Variants in ZW10 observed in about 807,000 individuals in gnomAD.
ZW10 encodes the protein zw10 kinetochore protein.
ZW10 carries 53 observed loss-of-function variants against 87.8 expected under a neutral mutation model. The ratio of observed to expected loss-of-function variants is 0.60; its 90% confidence interval spans 0.48 to 0.76. The LOEUF is 0.76. Ranked by LOEUF, ZW10 falls within the 30% of genes least tolerant of loss-of-function variation. ZW10 has a pLI of 0.00. For synonymous variants in ZW10, 312 were observed against 329.2 expected (o/e 0.95, Z 0.57); for missense variants, 837 against 923.0 (o/e 0.91, Z 1.21).
rs776831498 is a variant in ZW10 at position 113,757,659 on chromosome 11, T to C, written c.925+3A>G. 2.0e-6 allele frequency: 3 copies of C among 1,521,448 alleles called. No homozygotes were observed. The highest frequency in any genetic ancestry group is 2.7e-6 in the Non-Finnish European group (3 of 1,127,610). The allele number at this position is 1,521,448 out of a possible 1,614,324, so 94.2% of individuals were successfully genotyped here. A position where few individuals can be genotyped will look rare whatever the true frequency, so the allele number is the denominator to read the frequency against. On this transcript the variant is annotated splice_donor_region_variant and intron_variant, in intron 7 of 15. Transcript: ENST00000200135. The stretch of plus-strand genomic sequence containing the variant: ...ATAAAAGCACTGCCTTGGAGACACA[T>C]ACCTAGAAGCTGTTTCTGGAGCACT...
rs1371509871 is a variant in ZW10, at chr11:113,746,902, G to A, written c.1272+629C>T. Among the ~76,000 whole-genome samples, 3 of 152,060 alleles carry A rather than the reference G, an allele frequency of 2.0e-5. No individual in the cohort carries two copies. The East Asian group carries it at 5.8e-4, about 29-fold the overall frequency. On this transcript the variant is annotated intron_variant, in intron 9 of 15. Coordinates refer to ENST00000200135, the MANE Select transcript of ZW10 (RefSeq NM_004724.4). ...CTTGCAGTCCACTGTAAGGCTACTG[G>A]GTCTTCTCTAAATAAGATGGGAAGA...
chr11:113,746,495 C>CAAA (rs566009326), intron 9 of ZW10, among the ~76,000 whole-genome samples: 33 of 105,272 alleles, frequency 3.1e-4, no homozygotes, highest in African/African-American at 6.6e-4. Flanking sequence ...ACAAAACAGT[C>CAAA]AAAAAAAAAA....
At position 113,758,690 on chromosome 11, in the gene ZW10, T is replaced by A. The variant is rs757399270; in HGVS notation, c.597A>T (p.Glu199Asp). The A allele has an allele frequency of 1.2e-6, 2 of 1,613,892 alleles. No individual in the cohort carries two copies. The highest frequency in any genetic ancestry group is 1.7e-6 in the Non-Finnish European group (2 of 1,179,986). ...AATGAAGTTCAGTTTGTAGGTAAGA[T>A]TCCAAACTGCTGGTATCTAAGAAAA... is the stretch of plus-strand genomic sequence containing the variant. The part of the protein sequence containing the change: ...FPPSKDTSSL[E>D]SYLQTELHLY... The change falls in exon 6 of 16, where the codon GAA (glutamate) becomes GAT (aspartate). Residue 199 changes from glutamate to aspartate, a missense_variant. Transcript: ENST00000200135.
Position 113,768,946 on chromosome 11 carries a change from T to C in ZW10, c.127A>G (p.Ser43Gly). ...EIKGEVCNMI[S>G]KKYSEFLPSM... ...GGCAGGAATTCACTGTACTTCTTGC[T>C]AATCATATTGCACACCTCACCCTAA... The change falls in exon 2 of 16, where the codon AGC (serine) becomes GGC (glycine). Residue 43 changes from serine to glycine, a missense_variant. Coordinates refer to ENST00000200135, the MANE Select transcript of ZW10 (RefSeq NM_004724.4). The C allele has an allele frequency of 6.2e-7, 1 of 1,614,154 alleles. No individual in the cohort carries two copies. Among genetic ancestry groups the C allele is most frequent in the Non-Finnish European group, 8.5e-7 (1 of 1,179,988 alleles).
Position 113,737,617 on chromosome 11 carries a change from G to A in ZW10, c.1971C>T (p.Leu657=). The part of the protein sequence containing the change: ...NIYCKAMGTL[L]NTAISEVIGK... ...CAATGACCTCAGAAATTGCTGTATT[G>A]AGTAAAGTCCCCATAGCCTTGCAAT... Residue 657 remains leucine, a synonymous_variant, in exon 14 of 16, where the codon CTC becomes CTT. Transcript: ENST00000200135. 1 of 1,613,348 alleles carries A rather than the reference G, an allele frequency of 6.2e-7. No homozygotes were observed. Among genetic ancestry groups the A allele is most frequent in the Non-Finnish European group, 8.5e-7 (1 of 1,179,490 alleles).
chr11:113,760,383 G>C lies in ZW10; in HGVS notation c.421-15C>G. ...CATTTCTGTGCCTGGTAACGAAATGGAATCACTGTTAAACATTCCATCTGG... is the reference window on the plus strand; with the variant it reads ...CATTTCTGTGCCTGGTAACGAAATGCAATCACTGTTAAACATTCCATCTGG... On this transcript the variant is annotated splice_polypyrimidine_tract_variant and intron_variant, in intron 4 of 15. Coordinates refer to ENST00000200135, the MANE Select transcript of ZW10 (RefSeq NM_004724.4). 1.9e-6 allele frequency: 3 copies of C among 1,613,080 alleles called. No individual in the cohort carries two copies. Among genetic ancestry groups the C allele is most frequent in the Non-Finnish European group, 2.5e-6 (3 of 1,179,598 alleles).
chr11:113,763,532 T>C (rs1953883581), intron 2 of ZW10, among the ~76,000 whole-genome samples: 1 of 152,228 alleles, frequency 6.6e-6, no homozygotes, highest in Admixed American at 6.5e-5. Flanking sequence ...GCATCTATTG[T>C]TTCCTGACTT....
At chr11:113,748,945 A>C (rs1389390479) in intron 7 of ZW10, among the ~76,000 whole-genome samples, 2 of 152,208 alleles carry the variant, frequency 1.3e-5, no homozygotes, top group Non-Finnish European at 2.9e-5. Flanking sequence ...ATATCTTACT[A>C]ATCAATTAAA....
chr11:113,737,738 G>T (rs1309966533), intron 13 of ZW10, 35 bp from the exon 14 acceptor site: 3 of 1,557,968 alleles, frequency 1.9e-6, no homozygotes, highest in African/African-American at 1.4e-5. Flanking sequence ...GTGGAAGAAA[G>T]ATTACTGTGA....
chr11:113,757,197 G>A (rs1953797789), intron 7 of ZW10, among the ~76,000 whole-genome samples: 1 of 151,724 alleles, frequency 6.6e-6, no homozygotes, highest in Non-Finnish European at 1.5e-5. Context: ...TACAGAAACT[G>A]GCTGTGTCTA....
chr11:113,768,962 C>T lies in ZW10; in HGVS notation c.111G>A (p.Glu37=), dbSNP rs776210049. Residue 37 remains glutamate (E), a synonymous_variant, in exon 2 of 16, where the codon GAG becomes GAA. Coordinates refer to ENST00000200135, the MANE Select transcript of ZW10 (RefSeq NM_004724.4). ...ACTTCTTGCTAATCATATTGCACACCTCACCCTAAAATATAAAACAGAATT... is the reference window on the plus strand; with the variant it reads ...ACTTCTTGCTAATCATATTGCACACTTCACCCTAAAATATAAAACAGAATT... ...LTRRVEEIKG[E]VCNMISKKYS... 2 of 1,613,818 alleles carry T rather than the reference C, an allele frequency of 1.2e-6. No homozygotes were observed. Among genetic ancestry groups the T allele is most frequent in the South Asian group, 1.1e-5 (1 of 91,054 alleles).
chr11:113,743,220 TCTAC>T (rs1167287562), intron 10 of ZW10, among the ~76,000 whole-genome samples: 2 of 152,236 alleles, frequency 1.3e-5, no homozygotes, highest in African/African-American at 4.8e-5. Flanking sequence ...TTCTTTTCCT[TCTAC>T]CTTTGGCTGC....
chr11:113,757,792 C>A lies in ZW10; in HGVS notation c.795G>T (p.Val265=). ...PLASCPSLHA[V]IESQPNIVII... Reference sequence around the variant, plus strand: ...TAACTATGTTAGGCTGGCTTTCTATCACAGCATGAAGGGATGGGCAAGATG... The same window carrying A: ...TAACTATGTTAGGCTGGCTTTCTATAACAGCATGAAGGGATGGGCAAGATG... Residue 265 remains valine, a synonymous_variant, in exon 7 of 16, where the codon GTG becomes GTT. Coordinates refer to ENST00000200135, the MANE Select transcript of ZW10 (RefSeq NM_004724.4). The A allele has an allele frequency of 6.2e-7, 1 of 1,613,688 alleles. No individual in the cohort carries two copies.
chr11:113,737,535 G>C (rs902533301), intron 14 of ZW10, 37 bp downstream of exon 14: 3 of 1,488,132 alleles, frequency 2.0e-6, no homozygotes, highest in Non-Finnish European at 2.7e-6. Flanking sequence ...GACATGAATT[G>C]CATCTCAAGG....
chr11:113,754,314 G>A (rs943098164), intron 7 of ZW10, among the ~76,000 whole-genome samples: 7 of 151,940 alleles, frequency 4.6e-5, no homozygotes, highest in Non-Finnish European at 5.9e-5. Context: ...GTGAAACCCC[G>A]TCTCTACTAA....
At chr11:113,760,684 C>T in intron 3 of ZW10, 94 bp from the exon 4 acceptor site, 1 of 1,158,588 alleles carries the variant, frequency 8.6e-7, no homozygotes, top group Non-Finnish European at 1.2e-6. Context: ...CCTCCCCCTC[C>T]CCCCTCTAAA....
At position 113,758,578 on chromosome 11, in the gene ZW10, G is replaced by C. The variant is rs772790654; in HGVS notation, c.709C>G (p.Leu237Val). The C allele has an allele frequency of 1.1e-5, 18 of 1,614,052 alleles. No homozygotes were observed. The African/African-American group carries it at 2.1e-4, about 19-fold the overall frequency. Reference protein sequence around the residue: ...VLLAFSVLGELHSKLKSFGQM... With the variant: ...VLLAFSVLGEVHSKLKSFGQM... ...CCAAATGATTTAAGCTTGCTGTGTA[G>C]TTCTCCAAGAACAGAAAATGCCAAG... Residue 237 changes from leucine (L) to valine (V), a missense_variant, in exon 6 of 16, where the codon CTA (leucine) becomes GTA (valine). Transcript: ENST00000200135.
intron 5 of ZW10, among the ~76,000 whole-genome samples, chr11:113,759,545 T>C (rs1427592758): frequency 6.6e-6 from 1 of 152,170 alleles, no homozygotes; most frequent in Non-Finnish European, 1.5e-5. Flanking sequence ...TACAATAGCA[T>C]GTCCTTTAAA....
chr11:113,733,933 TG>T lies in ZW10; in HGVS notation c.2220-120del. The T allele has an allele frequency of 8.0e-6, 10 of 1,243,760 alleles. No individual in the cohort carries two copies. In the South Asian group the frequency reaches 1.5e-4, roughly 19 times the overall value. 77.0% of individuals were successfully genotyped at this position (1,243,760 alleles called of 1,614,324 possible). ...CTTGAAATGGAAATAAAACAAATCC[TG>T]GGCATCTTTCCTCTTCTTTATAGAA... On this transcript the variant is annotated intron_variant, in intron 15 of 15. Coordinates refer to ENST00000200135, the MANE Select transcript of ZW10 (RefSeq NM_004724.4).
Sources: gnomAD v4.1 joint callset for allele counts (sites outside exome capture counted in the v4.1 genomes callset) on GRCh38, gnomAD v4.1.1 for gene constraint, MANE v1.5 for transcripts, NCBI Gene and HGNC (gene_info 2026-07-23, HGNC 2026-07-21) for gene names.